CADM2: variants seen among roughly 807,000 people sequenced by gnomAD.
The protein encoded by CADM2 is immunoglobulin superfamily member 4D.
Under a neutral mutation model 49.8 loss-of-function variants are expected in CADM2, and 12 were observed. That is an observed-to-expected ratio of 0.24 (90% confidence interval 0.15 to 0.39). The LOEUF is 0.39. Among genes scored for constraint, CADM2 ranks in the 10% least tolerant of loss-of-function variants. The pLI, the probability that CADM2 is intolerant of heterozygous loss-of-function variation, is 1.00. For synonymous variants in CADM2, 214 were observed against 175.4 expected (o/e 1.22, Z -1.74); for missense variants, 378 against 492.3 (o/e 0.77, Z 2.20).
intron 1 of CADM2, among the ~76,000 whole-genome samples, chr3:85,289,131 A>G (rs1392927730): frequency 6.6e-6 from 1 of 152,214 alleles, no homozygotes; most frequent in Admixed American, 6.5e-5. Context: ...TACTGAAAAT[A>G]GAAAGATGCA....
In CADM2 at chr3:86,013,976, T is replaced by A. The variant is rs2106939017; in HGVS notation, c.971-51629T>A. 2.0e-6 allele frequency: 3 copies of A among 1,500,224 alleles called. No individual in the cohort carries two copies. The South Asian group carries it at 3.7e-5, about 19-fold the overall frequency. 92.9% of individuals were successfully genotyped at this position (1,500,224 alleles called of 1,614,324 possible). On this transcript the variant is annotated intron_variant, in intron 8 of 9. Transcript: ENST00000383699. ...CAGTACCTGTTATGGGAGTATCTGT[T>A]GCATTAGGAACAATTGAAGAAGTTT...
chr3:85,913,917 G>A (rs748892232), intron 6 of CADM2, among the ~76,000 whole-genome samples: 1 of 152,036 alleles, frequency 6.6e-6, no homozygotes, highest in Non-Finnish European at 1.5e-5. Context: ...CTTGTTTGTT[G>A]TTTTTATTTC....
Position 85,078,457 on chromosome 3 carries a change from T to C in CADM2, c.61+118789T>C, listed in dbSNP as rs145891478. ...AATTTTGGATTAACATAGCATCTTGTGGAATATATTTGTATATGGCTATAT... is the reference window on the plus strand; with the variant it reads ...AATTTTGGATTAACATAGCATCTTGCGGAATATATTTGTATATGGCTATAT... On this transcript the variant is annotated intron_variant, in intron 1 of 9. Coordinates refer to ENST00000383699, the MANE Select transcript of CADM2 (RefSeq NM_001167675.2). 8.8e-4 allele frequency among the ~76,000 whole-genome samples: 134 copies of C among 152,034 alleles called. 2 individuals are homozygous for C. The highest frequency in any genetic ancestry group is 1.7e-3 in the Non-Finnish European group (114 of 67,838).
intron 1 of CADM2, among the ~76,000 whole-genome samples, chr3:85,636,926 T>C (rs2064505960): frequency 6.6e-6 from 1 of 152,170 alleles, no homozygotes; most frequent in African/African-American, 2.4e-5. Context: ...ACAAAATGCT[T>C]GTCTCAGAAT....
At chr3:85,974,863 GAAAAC>G (rs929913424) in intron 8 of CADM2, among the ~76,000 whole-genome samples, 1 of 151,416 alleles carries the variant, frequency 6.6e-6, no homozygotes, top group African/African-American at 2.4e-5. Flanking sequence ...CCTTTTACAT[GAAAAC>G]AGTACTTTAT....
chr3:85,399,820 T>G (rs1251081915), intron 1 of CADM2, among the ~76,000 whole-genome samples: 1 of 152,230 alleles, frequency 6.6e-6, no homozygotes, highest in Non-Finnish European at 1.5e-5. Flanking sequence ...ATTGATTTTG[T>G]ATCCTGAGAC....
chr3:85,827,837 C>G (rs964200961), intron 3 of CADM2, among the ~76,000 whole-genome samples: 1 of 151,954 alleles, frequency 6.6e-6, no homozygotes, highest in Non-Finnish European at 1.5e-5. Flanking sequence ...CAAGATATTT[C>G]TGTTCCACGA....
At chr3:85,152,580 G>A (rs2107648757) in intron 1 of CADM2, among the ~76,000 whole-genome samples, 1 of 152,178 alleles carries the variant, frequency 6.6e-6, no homozygotes, top group African/African-American at 2.4e-5. Flanking sequence ...CCACCAAATT[G>A]TCTTTAATAT....
intron 3 of CADM2, among the ~76,000 whole-genome samples, chr3:85,872,634 C>G (rs1017090857): frequency 6.6e-6 from 1 of 150,598 alleles, no homozygotes; most frequent in Non-Finnish European, 1.5e-5. Context: ...GCCCTTCTCA[C>G]TTATCTATAT....
At chr3:85,389,844 C>T (rs1380827317) in intron 1 of CADM2, among the ~76,000 whole-genome samples, 1 of 152,004 alleles carries the variant, frequency 6.6e-6, no homozygotes, top group Admixed American at 6.6e-5. Flanking sequence ...TTGCAAAGTA[C>T]GTTGACAATA....
intron 8 of CADM2, among the ~76,000 whole-genome samples, chr3:86,022,365 C>A (rs2107056568): frequency 6.6e-6 from 1 of 152,068 alleles, no homozygotes; most frequent in South Asian, 2.1e-4. Context: ...CCATGTCTCC[C>A]ACCATTAGCC....
intron 1 of CADM2, among the ~76,000 whole-genome samples, chr3:85,540,181 A>T (rs935782595): frequency 3.3e-5 from 5 of 152,134 alleles, no homozygotes; most frequent in Admixed American, 3.3e-4. Flanking sequence ...ATTCATTTTC[A>T]TCAAAATCTG....
chr3:85,402,153 A>G (rs1370616053), intron 1 of CADM2, among the ~76,000 whole-genome samples: 1 of 152,106 alleles, frequency 6.6e-6, no homozygotes, highest in Non-Finnish European at 1.5e-5. Context: ...TTAATGTTTT[A>G]CATAGATTTA....
At chr3:85,191,167 A>G (rs2041198013) in intron 1 of CADM2, among the ~76,000 whole-genome samples, 1 of 152,010 alleles carries the variant, frequency 6.6e-6, no homozygotes, top group African/African-American at 2.4e-5. Flanking sequence ...ATAAAGTTAC[A>G]TCCTCCTAAC....
At chr3:85,147,216 G>A (rs4411894) in intron 1 of CADM2, among the ~76,000 whole-genome samples, 53,663 of 148,212 alleles carry the variant, frequency 0.36, 12,232 homozygotes, top group Non-Finnish European at 0.5. Context: ...CGGAGCTTGC[G>A]GTGAGCTGAG....
At chr3:85,627,417 T>TTACC (rs1391833802) in intron 1 of CADM2, among the ~76,000 whole-genome samples, 2 of 152,162 alleles carry the variant, frequency 1.3e-5, no homozygotes, top group East Asian at 3.9e-4. Context: ...ATATGAATAT[T>TTACC]CATATATATA....
intron 3 of CADM2, among the ~76,000 whole-genome samples, chr3:85,880,428 T>TTACTTA (rs1712575723): frequency 1.3e-5 from 2 of 152,312 alleles, no homozygotes; most frequent in Non-Finnish European, 2.9e-5. Context: ...TGCGTCAAGA[T>TTACTTA]TTCCTCTTAT....
intron 6 of CADM2, among the ~76,000 whole-genome samples, chr3:85,932,216 G>A (rs1342010257): frequency 1.3e-5 from 2 of 152,040 alleles, no homozygotes; most frequent in Admixed American, 6.6e-5. Flanking sequence ...AAAGAAACGA[G>A]GTATCGGGTG....
intron 1 of CADM2, among the ~76,000 whole-genome samples, chr3:85,483,147 A>T (rs1221547215): frequency 6.6e-6 from 1 of 151,476 alleles, no homozygotes; most frequent in Non-Finnish European, 1.5e-5. Context: ...AAATACACAT[A>T]TTATGAAATT....
Sources: gnomAD v4.1 joint callset for allele counts (sites outside exome capture counted in the v4.1 genomes callset) on GRCh38, gnomAD v4.1.1 for gene constraint, MANE v1.5 for transcripts, NCBI Gene and HGNC (gene_info 2026-07-23, HGNC 2026-07-21) for gene names.